SAV1: variants seen among roughly 807,000 people sequenced by gnomAD.
The protein encoded by SAV1 is salvador family WW domain containing protein 1, also known as protein salvador homolog 1.
In SAV1, 23 loss-of-function variants were observed where a neutral mutation model predicts 47.3. That is an observed-to-expected ratio of 0.49 (90% CI 0.35 to 0.69). The LOEUF (loss-of-function observed/expected upper bound fraction) is 0.69, where lower values mean the gene tolerates loss of function less well. Among genes scored for constraint, SAV1 ranks in the 30% least tolerant of loss-of-function variants. The probability of loss-of-function intolerance (pLI) is 0.01; values close to 1 mark genes in which losing one functional copy is unlikely to be tolerated. For synonymous variants in SAV1, 155 were observed against 159.2 expected, an observed-to-expected ratio of 0.97 and a Z score of 0.20; for missense variants, 448 against 457.4, an observed-to-expected ratio of 0.98 and a Z score of 0.19.
chr14:50,660,338 C>G (rs1184801339), intron 2 of SAV1, among the ~76,000 whole-genome samples: 2 of 152,154 alleles, frequency 1.3e-5, no homozygotes, highest in Admixed American at 1.3e-4. Flanking sequence ...GCGGTGATGA[C>G]TCTGAGAAAC....
intron 3 of SAV1, among the ~76,000 whole-genome samples, 199 bp from the exon 4 acceptor site, chr14:50,641,092 T>C (rs1224641144): frequency 1.3e-5 from 2 of 152,196 alleles, no homozygotes; most frequent in South Asian, 2.1e-4. Context: ...CAAAGGAGGA[T>C]ATGAAAAAGC....
At chr14:50,657,273 T>C (rs989082797) in intron 2 of SAV1, among the ~76,000 whole-genome samples, 12 of 152,176 alleles carry the variant, frequency 7.9e-5, no homozygotes, top group African/African-American at 2.9e-4. Context: ...GACCTTGTGA[T>C]CCACCTGCCT....
chr14:50,649,562 C>T (rs193223629), intron 2 of SAV1, among the ~76,000 whole-genome samples: 129 of 152,262 alleles, frequency 8.5e-4, no homozygotes, highest in African/African-American at 3.0e-3. Flanking sequence ...AGTTCTGAAA[C>T]GAAGGTGTTT....
Position 50,633,726 on chromosome 14 carries a change from A to G in SAV1, c.*1457T>C, listed in dbSNP as rs1379208465. The G allele has an allele frequency of 3.3e-5, 5 of 152,766 alleles. No homozygotes were observed. The highest frequency in any genetic ancestry group is 7.3e-5 in the Non-Finnish European group (5 of 68,110). The allele number at this position is 152,766 out of a possible 1,614,324, so 9.5% of individuals were successfully genotyped here. ...TTTCTTCAGTTATTCAAACTCACTG[A>G]TATCTAACTGGGAGTAGTTTGTATT... On this transcript the variant is annotated 3_prime_UTR_variant, in exon 5 of 5. Transcript: ENST00000324679.
intron 3 of SAV1, among the ~76,000 whole-genome samples, chr14:50,642,408 G>C (rs572804593): frequency 6.6e-6 from 1 of 151,662 alleles, no homozygotes; most frequent in African/African-American, 2.4e-5. Context: ...AGAATTGCTT[G>C]AACCTGGGAG....
At chr14:50,651,931 C>T (rs2039772887) in intron 2 of SAV1, among the ~76,000 whole-genome samples, 1 of 151,992 alleles carries the variant, frequency 6.6e-6, no homozygotes, top group South Asian at 2.1e-4. Context: ...TGTGCCCGGC[C>T]CAAAGAGAAT....
chr14:50,644,689 A>G (rs2039705770), intron 3 of SAV1, 55 bp downstream of exon 3: 1 of 1,523,096 alleles, frequency 6.6e-7, no homozygotes, highest in Admixed American at 1.8e-5. Context: ...TCAGTTCAAA[A>G]CCTAACATTA....
chr14:50,659,542 G>C (rs1240683114), intron 2 of SAV1, among the ~76,000 whole-genome samples: 3 of 152,152 alleles, frequency 2.0e-5, no homozygotes, highest in Admixed American at 6.5e-5. Context: ...TAACAAACCT[G>C]TTTCTTTTAA....
In SAV1 at chr14:50,665,172, A is replaced by C; in HGVS notation, c.535+7T>G. The C allele has an allele frequency of 2.6e-6, 4 of 1,542,342 alleles. No individual in the cohort carries two copies. Reference sequence around the variant, plus strand: ...AAACTACTATATTATTTATAATGTTAAGCTACCTGAAGCATGCCTCCCCTG... The same window carrying C: ...AAACTACTATATTATTTATAATGTTCAGCTACCTGAAGCATGCCTCCCCTG... On this transcript the variant is annotated splice_region_variant and intron_variant, in intron 2 of 4. Coordinates refer to ENST00000324679, the MANE Select transcript of SAV1 (RefSeq NM_021818.4).
intron 1 of SAV1, chr14:50,667,327 G>A (rs1034813519): frequency 1.6e-5 from 7 of 440,670 alleles, no homozygotes; most frequent in African/African-American, 6.0e-5. Flanking sequence ...GCTCTGCTGT[G>A]TAAGAGTGAT....
chr14:50,644,968 A>G lies in SAV1; in HGVS notation c.582T>C (p.His194=). The G allele has an allele frequency of 6.2e-7, 1 of 1,613,462 alleles. No homozygotes were observed. Among genetic ancestry groups the G allele is most frequent in the Non-Finnish European group, 8.5e-7 (1 of 1,179,940 alleles). ...GAGGAAGGGGTAAATCTTCAGAACC[A>G]TGGTTAGTCAAATTTCCTAAAGATG... The part of the protein sequence containing the change: ...AATSLGNLTN[H]GSEDLPLPPG... Residue 194 remains histidine, a synonymous_variant, in exon 3 of 5, where the codon CAT becomes CAC. Coordinates refer to ENST00000324679, the MANE Select transcript of SAV1 (RefSeq NM_021818.4).
At chr14:50,638,303 T>C (rs989548689) in intron 4 of SAV1, among the ~76,000 whole-genome samples, 2 of 152,186 alleles carry the variant, frequency 1.3e-5, no homozygotes, top group Non-Finnish European at 2.9e-5. Flanking sequence ...TTATACTGTA[T>C]ATACACAGGT....
intron 3 of SAV1, among the ~76,000 whole-genome samples, chr14:50,643,976 A>C (rs2039700743): frequency 6.6e-6 from 1 of 152,220 alleles, no homozygotes; most frequent in Non-Finnish European, 1.5e-5. Flanking sequence ...TATTTTACTC[A>C]TTTTTAATCT....
chr14:50,635,069 T>G lies in SAV1; in HGVS notation c.*114A>C, dbSNP rs1003013228. The G allele has an allele frequency of 4.1e-6, 3 of 734,946 alleles. No homozygotes were observed. Among genetic ancestry groups the G allele is most frequent in the African/African-American group, 3.6e-5 (2 of 56,032 alleles). 45.5% of individuals were successfully genotyped at this position (734,946 alleles called of 1,614,324 possible). Reference sequence around the variant, plus strand: ...AACAAAATACATGTAAAGTTAGAATTTTATAATTTCCACAAAGGAAGCAGC... The same window carrying G: ...AACAAAATACATGTAAAGTTAGAATGTTATAATTTCCACAAAGGAAGCAGC... On this transcript the variant is annotated 3_prime_UTR_variant, in exon 5 of 5. Transcript: ENST00000324679.
intron 2 of SAV1, chr14:50,664,281 C>T (rs1439872813): frequency 6.6e-6 from 1 of 151,584 alleles, no homozygotes; most frequent in Non-Finnish European, 1.5e-5. Flanking sequence ...TAAATTTTTT[C>T]TACAGTCAAA....
chr14:50,649,709 C>T (rs2039751752), intron 2 of SAV1, among the ~76,000 whole-genome samples: 2 of 152,194 alleles, frequency 1.3e-5, no homozygotes, highest in African/African-American at 4.8e-5. Flanking sequence ...TTATTTGTAA[C>T]AGTTGCACCC....
At chr14:50,648,085 G>A (rs750402813) in intron 2 of SAV1, among the ~76,000 whole-genome samples, 11 of 152,196 alleles carry the variant, frequency 7.2e-5, no homozygotes, top group Non-Finnish European at 1.2e-4. Flanking sequence ...TGGTGCAACT[G>A]TACAGTGAAA....
intron 3 of SAV1, among the ~76,000 whole-genome samples, chr14:50,644,393 G>A (rs561281568): frequency 6.6e-6 from 1 of 152,170 alleles, no homozygotes; most frequent in Non-Finnish European, 1.5e-5. Flanking sequence ...TTCTGACTTA[G>A]GGGGTAGGTC....
chr14:50,665,698 C>G lies in SAV1; in HGVS notation c.95-79G>C, dbSNP rs1240306914. The G allele has an allele frequency of 4.8e-6, 6 of 1,256,204 alleles. No homozygotes were observed. The East Asian group carries it at 1.5e-4, about 31-fold the overall frequency. The allele number at this position is 1,256,204 out of a possible 1,614,324, so 77.8% of individuals were successfully genotyped here. On this transcript the variant is annotated intron_variant, in intron 1 of 4. Coordinates refer to ENST00000324679, the MANE Select transcript of SAV1 (RefSeq NM_021818.4). ...TTCGAAATTTGTTCATTTATGTCTACCACCCCAAAATCAAAATGTCAGTCA... is the reference window on the plus strand; with the variant it reads ...TTCGAAATTTGTTCATTTATGTCTAGCACCCCAAAATCAAAATGTCAGTCA...
Sources: allele counts gnomAD v4.1 joint callset (sites outside exome capture counted in the v4.1 genomes callset), GRCh38; gene constraint gnomAD v4.1.1; transcripts MANE v1.5; gene names NCBI Gene and HGNC (gene_info 2026-07-23, HGNC 2026-07-21).